The following TRIM24 variants were observed in gnomAD, a reference collection of about 807,000 sequenced individuals.
TRIM24 encodes the protein transcription intermediary factor 1-alpha.
A neutral mutation model predicts 123.9 loss-of-function variants in TRIM24; 29 were observed. That is an observed-to-expected ratio of 0.23 (90% confidence interval 0.17 to 0.32). TRIM24 has a LOEUF of 0.32. Ranked by LOEUF, TRIM24 falls within the 10% of genes least tolerant of loss-of-function variation. The pLI, the probability that TRIM24 is intolerant of heterozygous loss-of-function variation, is 1.00. For missense variants in TRIM24, 932 were observed against 1,295.3 expected (o/e 0.72, Z 4.31); for synonymous variants, 456 against 461.1 (o/e 0.99, Z 0.14).
intron 15 of TRIM24, 39 bp from the exon 16 acceptor site, chr7:138,580,523 G>T: frequency 6.3e-7 from 1 of 1,586,234 alleles, no homozygotes; most frequent in African/African-American, 1.4e-5. Context: ...GAGAGGAAAT[G>T]ATGCATTAGG....
intron 1 of TRIM24, among the ~76,000 whole-genome samples, chr7:138,484,646 T>C (rs1786670144): frequency 6.6e-6 from 1 of 152,190 alleles, no homozygotes; most frequent in Non-Finnish European, 1.5e-5. Context: ...CTGTGGTTTT[T>C]CTTTGTAATA....
At chr7:138,489,882 A>G (rs1795740553) in intron 1 of TRIM24, among the ~76,000 whole-genome samples, 1 of 152,050 alleles carries the variant, frequency 6.6e-6, no homozygotes, top group African/African-American at 2.4e-5. Flanking sequence ...TATTTCCTGA[A>G]TTTGAACGTT....
chr7:138,572,460 AAAATTCTTTCTGCTTTTTCCTCTGC>A (rs1797676541), intron 11 of TRIM24, among the ~76,000 whole-genome samples: 1 of 52,380 alleles, frequency 1.9e-5, no homozygotes, highest in Non-Finnish European at 5.0e-5. Flanking sequence ...CACAGAAAGT[AAAATTCTTTCTGCTTTTTCCTCTGC>A]AGTCCTCATA....
chr7:138,528,703 T>C (rs544079205), intron 5 of TRIM24, among the ~76,000 whole-genome samples: 1 of 151,984 alleles, frequency 6.6e-6, no homozygotes, highest in Non-Finnish European at 1.5e-5. Context: ...ATATACACTT[T>C]TCTAGCTTTC....
chr7:138,581,515 A>T (rs1460686859), intron 16 of TRIM24, among the ~76,000 whole-genome samples, 182 bp from the exon 17 acceptor site: 1 of 152,224 alleles, frequency 6.6e-6, no homozygotes, highest in African/African-American at 2.4e-5. Flanking sequence ...ATTCAATTAC[A>T]GGGCCTGTTC....
chr7:138,531,010 G>A (rs1796719643), intron 6 of TRIM24, among the ~76,000 whole-genome samples: 2 of 152,102 alleles, frequency 1.3e-5, no homozygotes, highest in Non-Finnish European at 2.9e-5. Flanking sequence ...CTCGAGTGTA[G>A]TGGTATAGCC....
At chr7:138,501,397 A>G (rs547417923) in intron 1 of TRIM24, among the ~76,000 whole-genome samples, 2 of 151,722 alleles carry the variant, frequency 1.3e-5, no homozygotes, top group African/African-American at 4.8e-5. Flanking sequence ...CACCCGGCCA[A>G]TTTGTGTATT....
At chr7:138,510,920 G>T (rs1385086954) in intron 2 of TRIM24, among the ~76,000 whole-genome samples, 1 of 152,094 alleles carries the variant, frequency 6.6e-6, no homozygotes, top group East Asian at 1.9e-4. Flanking sequence ...TCCCTGTCTT[G>T]TCTACCCATC....
At chr7:138,499,095 T>G (rs1436817056) in intron 1 of TRIM24, among the ~76,000 whole-genome samples, 1 of 152,248 alleles carries the variant, frequency 6.6e-6, no homozygotes, top group Non-Finnish European at 1.5e-5. Context: ...TTTTTAATTT[T>G]TTTTTAGCTG....
intron 5 of TRIM24, among the ~76,000 whole-genome samples, chr7:138,528,412 A>G (rs925081027): frequency 2.6e-5 from 4 of 152,238 alleles, no homozygotes; most frequent in African/African-American, 9.6e-5. Context: ...AATATTATCA[A>G]GACTTTCCTG....
At chr7:138,583,460 A>AAAT (rs1379452891) in intron 17 of TRIM24, among the ~76,000 whole-genome samples, 3 of 152,176 alleles carry the variant, frequency 2.0e-5, no homozygotes, top group Non-Finnish European at 2.9e-5. Flanking sequence ...TCTCTACAAA[A>AAAT]AATACAAAAA....
chr7:138,573,766 T>A lies in TRIM24; in HGVS notation c.2014+124T>A, dbSNP rs150914571. ...AATCTGAGTTTTTCACTATTTAAAA[T>A]TAGTATGCTTTCAGAGAAAACAAAG... On this transcript the variant is annotated intron_variant, in intron 12 of 18. Coordinates refer to ENST00000343526, the MANE Select transcript of TRIM24 (RefSeq NM_015905.3). The A allele has an allele frequency of 6.5e-4, 697 of 1,080,344 alleles. 2 individuals carry two copies. The African/African-American group carries it at 9.3e-3, about 14-fold the overall frequency. The allele number at this position is 1,080,344 out of a possible 1,614,324, so 66.9% of individuals were successfully genotyped here. A position where few individuals can be genotyped will look rare whatever the true frequency, so the allele number is the denominator to read the frequency against.
intron 1 of TRIM24, among the ~76,000 whole-genome samples, chr7:138,504,061 G>A (rs1796096879): frequency 6.6e-6 from 1 of 152,058 alleles, no homozygotes; most frequent in Admixed American, 6.6e-5. Context: ...GTGGGGGAAG[G>A]GAGGCATTTC....
chr7:138,473,226 G>A (rs529104470), intron 1 of TRIM24, among the ~76,000 whole-genome samples: 123 of 152,320 alleles, frequency 8.1e-4, no homozygotes, highest in African/African-American at 2.9e-3. Flanking sequence ...GCTGCAGTTA[G>A]CCTAGATCAT....
intron 1 of TRIM24, among the ~76,000 whole-genome samples, chr7:138,478,935 A>G (rs1795465414): frequency 1.3e-5 from 2 of 152,166 alleles, no homozygotes; most frequent in African/African-American, 4.8e-5. Context: ...GTGGCCTTCC[A>G]ATTCATTATT....
At chr7:138,542,669 A>G (rs963668258) in intron 7 of TRIM24, among the ~76,000 whole-genome samples, 1 of 152,230 alleles carries the variant, frequency 6.6e-6, no homozygotes, top group African/African-American at 2.4e-5. Context: ...AAAATGAGGT[A>G]TGCTTGTATT....
Position 138,460,882 on chromosome 7 carries a change from G to C in TRIM24, c.334G>C (p.Val112Leu), listed in dbSNP as rs893154813. 6.5e-7 allele frequency: 1 copy of C among 1,529,272 alleles called. No homozygotes were observed. The highest frequency in any genetic ancestry group is 8.7e-7 in the Non-Finnish European group (1 of 1,147,456). The allele number at this position is 1,529,272 out of a possible 1,614,324, so 94.7% of individuals were successfully genotyped here. ...PPPVPAPGSP[V>L]SGSSPFATQV... ...ACCCGTCCCTGCCCCCGGCTCGCCG[G>C]TCAGCGGCTCGTCGCCGTTCGCCAC... Residue 112 changes from valine to leucine, a missense_variant, in exon 1 of 19, where the codon GTC (valine) becomes CTC (leucine). By Grantham distance (32) the Val-to-Leu change is conservative (BLOSUM62 1). Coordinates refer to ENST00000343526, the MANE Select transcript of TRIM24 (RefSeq NM_015905.3).
chr7:138,567,917 G>A (rs147353363), intron 10 of TRIM24, among the ~76,000 whole-genome samples: 533 of 152,140 alleles, frequency 3.5e-3, no homozygotes, highest in African/African-American at 0.012. Flanking sequence ...TTTTAGGTGA[G>A]TATATTAAAT....
intron 17 of TRIM24, among the ~76,000 whole-genome samples, chr7:138,582,651 G>A (rs1408239069): frequency 1.3e-5 from 2 of 152,076 alleles, no homozygotes; most frequent in East Asian, 1.9e-4. Flanking sequence ...CCCCGGAGGC[G>A]GAGGTTGCAG....
Sources: gnomAD v4.1 joint callset for allele counts (sites outside exome capture counted in the v4.1 genomes callset) on GRCh38, gnomAD v4.1.1 for gene constraint, MANE v1.5 for transcripts, NCBI Gene and HGNC (gene_info 2026-07-23, HGNC 2026-07-21) for gene names.